ALKBH5: variants seen among roughly 807,000 people sequenced by gnomAD.
ALKBH5 encodes the protein RNA demethylase ALKBH5.
ALKBH5 carries 2 observed loss-of-function variants against 32.1 expected under a neutral mutation model. That is an observed-to-expected ratio of 0.06 (90% confidence interval 0.03 to 0.20). The LOEUF (loss-of-function observed/expected upper bound fraction) is 0.20, where lower values mean the gene tolerates loss of function less well. Among genes scored for constraint, ALKBH5 ranks in the 10% least tolerant of loss-of-function variants. The probability of loss-of-function intolerance (pLI) is 1.00; values close to 1 mark genes in which losing one functional copy is unlikely to be tolerated. For missense variants in ALKBH5, 352 were observed against 559.5 expected, an observed-to-expected ratio of 0.63 and a Z score of 3.74; for synonymous variants, 300 against 231.7, an observed-to-expected ratio of 1.29 and a Z score of -2.68.
chr17:18,205,434 C>G (rs1029637792), intron 2 of ALKBH5, among the ~76,000 whole-genome samples: 1 of 152,196 alleles, frequency 6.6e-6, no homozygotes, highest in Non-Finnish European at 1.5e-5. Context: ...GATGGGGATG[C>G]CTGTCCTACC....
chr17:18,199,571 A>G (rs1243252333), intron 2 of ALKBH5, among the ~76,000 whole-genome samples: 1 of 152,188 alleles, frequency 6.6e-6, no homozygotes, highest in Non-Finnish European at 1.5e-5. Flanking sequence ...CTCAGGTAGG[A>G]AGTGAGCTGC....
chr17:18,198,454 C>T (rs2047216938), intron 2 of ALKBH5, among the ~76,000 whole-genome samples: 1 of 152,172 alleles, frequency 6.6e-6, no homozygotes, highest in Non-Finnish European at 1.5e-5. Context: ...AAAAGGGGAG[C>T]ATCTTGGCCC....
At chr17:18,203,944 C>T (rs2047255916) in intron 2 of ALKBH5, among the ~76,000 whole-genome samples, 1 of 152,282 alleles carries the variant, frequency 6.6e-6, no homozygotes, top group East Asian at 1.9e-4. Context: ...CCCACTAGGG[C>T]TTCACTGGGG....
chr17:18,195,471 G>A (rs1010790859), intron 2 of ALKBH5, among the ~76,000 whole-genome samples: 1 of 152,236 alleles, frequency 6.6e-6, no homozygotes, highest in Non-Finnish European at 1.5e-5. Flanking sequence ...AGTGAAGAGA[G>A]GAGACAAGGG....
intron 1 of ALKBH5, among the ~76,000 whole-genome samples, chr17:18,192,346 G>T (rs1259807695): frequency 6.6e-6 from 1 of 152,192 alleles, no homozygotes; most frequent in Non-Finnish European, 1.5e-5. Flanking sequence ...CAACCAAGTA[G>T]TCATATAATG....
At chr17:18,197,196 C>T (rs1023073531) in intron 2 of ALKBH5, among the ~76,000 whole-genome samples, 4 of 152,218 alleles carry the variant, frequency 2.6e-5, no homozygotes, top group Non-Finnish European at 1.5e-5. Context: ...GTGGGAGCTC[C>T]AGAAACTTGG....
At chr17:18,200,412 T>G (rs2047229809) in intron 2 of ALKBH5, among the ~76,000 whole-genome samples, 1 of 152,136 alleles carries the variant, frequency 6.6e-6, no homozygotes, top group African/African-American at 2.4e-5. Flanking sequence ...AGACTTGTAT[T>G]CTTGAGATTG....
chr17:18,207,289 C>T (rs963811917), intron 3 of ALKBH5, among the ~76,000 whole-genome samples: 1 of 152,078 alleles, frequency 6.6e-6, no homozygotes, highest in Non-Finnish European at 1.5e-5. Context: ...AATCTTGGGA[C>T]TTGGATAATA....
Position 18,185,011 on chromosome 17 carries a change from C to T in ALKBH5, c.768C>T (p.Leu256=). ...LPVRRGSVTV[L]SGYAADEITH... ...TGCGCAGGGGAAGCGTGACTGTGCT[C>T]AGGTAACCCACCCGGGTGGAGGGGG... Residue 256 remains leucine, a splice_region_variant and synonymous_variant, in exon 1 of 4, where the codon CTC becomes CTT. Coordinates refer to ENST00000399138, the MANE Select transcript of ALKBH5 (RefSeq NM_017758.4). The T allele has an allele frequency of 6.2e-7, 1 of 1,604,464 alleles. No individual in the cohort carries two copies.
At chr17:18,207,613 A>C (rs2047276922) in intron 3 of ALKBH5, among the ~76,000 whole-genome samples, 1 of 151,934 alleles carries the variant, frequency 6.6e-6, no homozygotes, top group South Asian at 2.1e-4. Context: ...CAGTGACCCG[A>C]GATGGCACCG....
intron 2 of ALKBH5, among the ~76,000 whole-genome samples, chr17:18,197,001 T>C (rs2047208031): frequency 6.6e-6 from 1 of 152,250 alleles, no homozygotes; most frequent in Admixed American, 6.5e-5. Context: ...CTTTAGTCAG[T>C]AAACAATAAC....
intron 2 of ALKBH5, among the ~76,000 whole-genome samples, chr17:18,200,477 AT>A (rs1237634142): frequency 6.6e-6 from 1 of 152,090 alleles, no homozygotes; most frequent in African/African-American, 2.4e-5. Context: ...TAGCCCATTT[AT>A]TTGCTTTTGG....
chr17:18,206,689 C>A, intron 2 of ALKBH5, 126 bp from the exon 3 acceptor site: 2 of 1,019,456 alleles, frequency 2.0e-6, no homozygotes, highest in Non-Finnish European at 3.0e-6. Flanking sequence ...GAGTGAGGTA[C>A]AGAGCAGAGA....
At chr17:18,197,747 T>C (rs540576124) in intron 2 of ALKBH5, among the ~76,000 whole-genome samples, 44 of 152,362 alleles carry the variant, frequency 2.9e-4, no homozygotes, top group African/African-American at 1.0e-3. Flanking sequence ...GCCAGTGGCC[T>C]GACCTTGGGA....
chr17:18,201,687 G>A (rs1016863458), intron 2 of ALKBH5, among the ~76,000 whole-genome samples: 5 of 152,072 alleles, frequency 3.3e-5, no homozygotes, highest in Non-Finnish European at 5.9e-5. Flanking sequence ...AGAGGTTGCA[G>A]TGAGCCAAGA....
At chr17:18,200,342 A>G (rs2047229381) in intron 2 of ALKBH5, among the ~76,000 whole-genome samples, 1 of 152,138 alleles carries the variant, frequency 6.6e-6, no homozygotes, top group Admixed American at 6.6e-5. Context: ...CGGGGCCTTG[A>G]GTTGGTGACT....
chr17:18,205,616 G>A (rs927625580), intron 2 of ALKBH5, among the ~76,000 whole-genome samples: 3 of 152,218 alleles, frequency 2.0e-5, no homozygotes, highest in African/African-American at 7.2e-5. Context: ...GTGACTTGCA[G>A]GATGCATGAC....
chr17:18,185,152 A>G, intron 1 of ALKBH5, 139 bp downstream of exon 1: 1 of 1,425,490 alleles, frequency 7.0e-7, no homozygotes, highest in South Asian at 1.4e-5. Flanking sequence ...GTAGGGAGCG[A>G]GAGAAGGGTT....
intron 2 of ALKBH5, among the ~76,000 whole-genome samples, chr17:18,196,166 C>T (rs1398011613): frequency 6.6e-6 from 1 of 151,690 alleles, no homozygotes; most frequent in Non-Finnish European, 1.5e-5. Flanking sequence ...ACTCAGACTC[C>T]TCTTAGACTC....
Sources: gnomAD v4.1 joint callset for allele counts (sites outside exome capture counted in the v4.1 genomes callset) on GRCh38, gnomAD v4.1.1 for gene constraint, MANE v1.5 for transcripts, NCBI Gene and HGNC (gene_info 2026-07-23, HGNC 2026-07-21) for gene names.